Variants in BFAR observed in about 807,000 individuals in gnomAD.
The protein encoded by BFAR is bifunctional apoptosis regulator.
BFAR carries 52 observed loss-of-function variants against 54.4 expected under a neutral mutation model. That is an observed-to-expected ratio of 0.96 (90% CI 0.77 to 1.21). The LOEUF is 1.21. Among genes scored for constraint, BFAR ranks in the 50% most tolerant of loss-of-function variants. BFAR has a pLI of 0.00. For missense variants in BFAR, 571 were observed against 534.0 expected, an observed-to-expected ratio of 1.07 and a Z score of -0.68; for synonymous variants, 215 against 204.3, an observed-to-expected ratio of 1.05 and a Z score of -0.45.
chr16:14,664,959 G>A lies in BFAR; in HGVS notation c.1048G>A (p.Asp350Asn), dbSNP rs780117280. ...PYQLIAEFAW[D>N]WLEVHYWTSR... Reference sequence around the variant, plus strand: ...CCAGCTGATTGCTGAGTTTGCTTGGGACTGGTTGGAGGTCCATTACTGGAC... The same window carrying A: ...CCAGCTGATTGCTGAGTTTGCTTGGAACTGGTTGGAGGTCCATTACTGGAC... Residue 350 changes from aspartate to asparagine, a missense_variant, in exon 7 of 8, where the codon GAC becomes AAC. Transcript: ENST00000261658. 1 of 1,613,934 alleles carries A rather than the reference G, an allele frequency of 6.2e-7. No individual in the cohort carries two copies. Among genetic ancestry groups the A allele is most frequent in the Non-Finnish European group, 8.5e-7 (1 of 1,179,812 alleles).
At chr16:14,666,836 C>T (rs1167785823) in intron 7 of BFAR, among the ~76,000 whole-genome samples, 2 of 152,162 alleles carry the variant, frequency 1.3e-5, no homozygotes, top group Non-Finnish European at 2.9e-5. Flanking sequence ...TCCTGGTTCT[C>T]TCCTGGGCAT....
chr16:14,648,364 A>ATT, intron 2 of BFAR, 24 bp from the exon 3 acceptor site: 7 of 1,494,844 alleles, frequency 4.7e-6, no homozygotes, highest in South Asian at 2.4e-5. Context: ...AACTGTCTTA[A>ATT]TTTTTTTTTT....
At position 14,668,019 on chromosome 16, in the gene BFAR, C is replaced by G. The variant is rs147190781; in HGVS notation, c.*192C>G. 3.5e-4 allele frequency: 208 copies of G among 595,394 alleles called. No homozygotes were observed. The highest frequency in any genetic ancestry group is 3.4e-3 in the African/African-American group (185 of 54,062). The allele number at this position is 595,394 out of a possible 1,614,324, so 36.9% of individuals were successfully genotyped here. A position where few individuals can be genotyped will look rare whatever the true frequency, so the allele number is the denominator to read the frequency against. ...GGTGGCACGAGCAAGGACTGACATC[C>G]GCACAGGGAGGATTGTCTGTTTGGC... On this transcript the variant is annotated 3_prime_UTR_variant, in exon 8 of 8. Transcript: ENST00000261658.
intron 2 of BFAR, among the ~76,000 whole-genome samples, chr16:14,646,851 T>C (rs954718144): frequency 5.9e-5 from 9 of 152,182 alleles, no homozygotes; most frequent in Non-Finnish European, 1.2e-4. Flanking sequence ...TTTTGACCCC[T>C]TATTTTCCCA....
In BFAR at chr16:14,644,749, C is replaced by G. The variant is rs149274825; in HGVS notation, c.263+140C>G. The G allele has an allele frequency of 1.5e-4, 160 of 1,090,168 alleles. 1 individual carries two copies. In the African/African-American group the frequency reaches 2.1e-3, roughly 15 times the overall value. 67.5% of individuals were successfully genotyped at this position (1,090,168 alleles called of 1,614,324 possible). Reference sequence around the variant, plus strand: ...CTCAAACTCCTGACCTCAAGTGATCCTCCCACTTCAGCCTCCCAAAGTGCT... The same window carrying G: ...CTCAAACTCCTGACCTCAAGTGATCGTCCCACTTCAGCCTCCCAAAGTGCT... On this transcript the variant is annotated intron_variant, in intron 2 of 7. Coordinates refer to ENST00000261658, the MANE Select transcript of BFAR (RefSeq NM_016561.3).
In BFAR at chr16:14,644,401, C is replaced by A; in HGVS notation, c.55C>A (p.Pro19Thr). 3 of 1,613,476 alleles carry A rather than the reference C, an allele frequency of 1.9e-6. No individual in the cohort carries two copies. The highest frequency in any genetic ancestry group is 1.1e-5 in the South Asian group (1 of 91,068). Residue 19 changes from proline (P) to threonine (T), a missense_variant, in exon 2 of 8, where the codon CCT becomes ACT. Physicochemically the swap from Pro to Thr is conservative, Grantham distance 38. Coordinates refer to ENST00000261658, the MANE Select transcript of BFAR (RefSeq NM_016561.3). ...CACAATGGACCTTGAGAGAGATGAA[C>A]CTCTCAAAAGCACCGGCCCTCAGAT... ...VNTMDLERDE[P>T]LKSTGPQISV...
At chr16:14,648,353 C>T (rs762829321) in intron 2 of BFAR, 35 bp from the exon 3 acceptor site, 3 of 1,541,094 alleles carry the variant, frequency 1.9e-6, no homozygotes, top group Non-Finnish European at 2.7e-6. Flanking sequence ...TTTAGTCAAA[C>T]AACTGTCTTA....
chr16:14,648,610 T>C lies in BFAR; in HGVS notation c.468+18T>C. On this transcript the variant is annotated intron_variant, in intron 3 of 7. Transcript: ENST00000261658. ...GAGTGGCAGTAAGTTGATCACTGTG[T>C]TCCTCTGTGCCCCCCCACACCTCAC... 1.3e-6 allele frequency: 2 copies of C among 1,594,952 alleles called. No individual in the cohort carries two copies. The highest frequency in any genetic ancestry group is 1.7e-6 in the Non-Finnish European group (2 of 1,163,652).
Position 14,664,893 on chromosome 16 carries a change from C to G in BFAR, c.982C>G (p.Gln328Glu). Residue 328 changes from glutamine (Q) to glutamate (E), a missense_variant, in exon 7 of 8, where the codon CAG (glutamine) becomes GAG (glutamate). Coordinates refer to ENST00000261658, the MANE Select transcript of BFAR (RefSeq NM_016561.3). ...LLDLKEPTWK[Q>E]WREFLVKYSF... ...GGATCTTAAGGAGCCTACGTGGAAGCAGTGGAGAGAGTTCCTGGTCAAATA... is the reference window on the plus strand; with the variant it reads ...GGATCTTAAGGAGCCTACGTGGAAGGAGTGGAGAGAGTTCCTGGTCAAATA... 1 of 1,613,892 alleles carries G rather than the reference C, an allele frequency of 6.2e-7. No homozygotes were observed.
intron 5 of BFAR, among the ~76,000 whole-genome samples, chr16:14,660,133 C>T (rs916104525): frequency 6.6e-6 from 1 of 152,288 alleles, no homozygotes; most frequent in Non-Finnish European, 1.5e-5. Context: ...CCAGCCCTCC[C>T]AATTCCAACA....
Position 14,641,506 on chromosome 16 carries a change from G to A in BFAR, c.-73-2768G>A, listed in dbSNP as rs1396449886. Among the ~76,000 whole-genome samples, 22 of 150,578 alleles carry A rather than the reference G, an allele frequency of 1.5e-4. No individual in the cohort carries two copies. The South Asian group carries it at 1.5e-3, about 10-fold the overall frequency. On this transcript the variant is annotated intron_variant, in intron 1 of 7. Coordinates refer to ENST00000261658, the MANE Select transcript of BFAR (RefSeq NM_016561.3). ...GCGGAGCTTGCAGTGAGTGGAGATC[G>A]CGCCCCTGCACTCCAGCCTGGGCGA...
intron 2 of BFAR, 31 bp from the exon 3 acceptor site, chr16:14,648,357 T>C (rs1184001145): frequency 3.0e-5 from 47 of 1,551,680 alleles, no homozygotes; most frequent in Non-Finnish European, 4.2e-5. Context: ...GTCAAACAAC[T>C]GTCTTAATTT....
chr16:14,656,302 G>A (rs1388570344), intron 5 of BFAR, among the ~76,000 whole-genome samples: 1 of 152,124 alleles, frequency 6.6e-6, no homozygotes, highest in Non-Finnish European at 1.5e-5. Context: ...TGAGGTGGGA[G>A]GATTGCTTAG....
At position 14,665,035 on chromosome 16, in the gene BFAR, T is replaced by A; in HGVS notation, c.1124T>A (p.Phe375Tyr). Reference protein sequence around the residue: ...NAMLLSVLELFSFWRIWSRSE... With the variant: ...NAMLLSVLELYSFWRIWSRSE... ...ATGTTACTCTCAGTTCTGGAATTAT[T>A]CTCCTTTTGGAGAATCTGGTCGAGA... The change falls in exon 7 of 8, where the codon TTC (phenylalanine) becomes TAC (tyrosine). Residue 375 changes from phenylalanine to tyrosine, a missense_variant. By Grantham distance (22) the Phe-to-Tyr change is conservative (BLOSUM62 3). Transcript: ENST00000261658. The A allele has an allele frequency of 6.2e-7, 1 of 1,614,136 alleles. No individual in the cohort carries two copies. The highest frequency in any genetic ancestry group is 8.5e-7 in the Non-Finnish European group (1 of 1,179,948).
chr16:14,644,668 C>CA, intron 2 of BFAR, 59 bp downstream of exon 2: 5 of 1,331,058 alleles, frequency 3.8e-6, no homozygotes, highest in Non-Finnish European at 4.0e-6. Context: ...TTCTCTCTTG[C>CA]TTTTTTTTTT....
chr16:14,665,333 A>AG, intron 7 of BFAR, among the ~76,000 whole-genome samples: 1 of 148,278 alleles, frequency 6.7e-6, no homozygotes, highest in African/African-American at 2.5e-5. Context: ...TTTCAGGGGG[A>AG]GGGGGGCAAA....
intron 6 of BFAR, among the ~76,000 whole-genome samples, chr16:14,664,644 C>T (rs1567496708): frequency 6.6e-6 from 1 of 152,044 alleles, no homozygotes; most frequent in South Asian, 2.1e-4. Flanking sequence ...GGATTACAGG[C>T]ACACACCACC....
Position 14,665,075 on chromosome 16 carries a change from A to G in BFAR, c.1160+4A>G. 1 of 1,606,170 alleles carries G rather than the reference A, an allele frequency of 6.2e-7. No individual in the cohort carries two copies. Among genetic ancestry groups the G allele is most frequent in the Non-Finnish European group, 8.5e-7 (1 of 1,172,858 alleles). On this transcript the variant is annotated splice_donor_region_variant and intron_variant, in intron 7 of 7. Coordinates refer to ENST00000261658, the MANE Select transcript of BFAR (RefSeq NM_016561.3). ...TCTGGTCGAGAAGTGAACTGAAGTA[A>G]GTATGTTTTAATGGTTGTCACAACA...
Position 14,668,756 on chromosome 16 carries a change from G to A in BFAR, c.*929G>A, listed in dbSNP as rs1299248074. On this transcript the variant is annotated 3_prime_UTR_variant, in exon 8 of 8. Coordinates refer to ENST00000261658, the MANE Select transcript of BFAR (RefSeq NM_016561.3). ...AGCTACTTGGAATTGGAAATCGCCT[G>A]AACCCAGGAGGCGGAGGTTGCAGGG... The A allele has an allele frequency of 6.4e-6, 1 of 157,264 alleles. No individual in the cohort carries two copies. The highest frequency in any genetic ancestry group is 6.5e-5 in the Admixed American group (1 of 15,494). The allele number at this position is 157,264 out of a possible 1,614,324, so 9.7% of individuals were successfully genotyped here.
Sources: gnomAD v4.1 joint callset for allele counts (sites outside exome capture counted in the v4.1 genomes callset) on GRCh38, gnomAD v4.1.1 for gene constraint, MANE v1.5 for transcripts, NCBI Gene and HGNC (gene_info 2026-07-23, HGNC 2026-07-21) for gene names.